Variants in PCDH15 observed in about 807,000 individuals in gnomAD.
The protein encoded by PCDH15 is protocadherin related 15.
Under a neutral mutation model 178.5 loss-of-function variants are expected in PCDH15, and 129 were observed. The observed-to-expected ratio is 0.72, with a 90% CI of 0.63 to 0.84. PCDH15 has a LOEUF of 0.84. Ranked by LOEUF, PCDH15 falls within the 40% of genes least tolerant of loss-of-function variation. The pLI, the probability that PCDH15 is intolerant of heterozygous loss-of-function variation, is 0.00. For synonymous variants in PCDH15, 800 were observed against 732.0 expected (o/e 1.09, Z -1.50); for missense variants, 2,230 against 2,099.9 (o/e 1.06, Z -1.21).
rs1280845632 is a variant in PCDH15, at chr10:53,999,281, A to G, written c.2752-3516T>C. On this transcript the variant is annotated intron_variant, in intron 20 of 37. Transcript: ENST00000644397. ...CCGATACCTACTTTTACGTGGGTGT[A>G]TGGTTGATTGTTTGCCTCTTACCAG... Among the ~76,000 whole-genome samples, 3 of 152,058 alleles carry G rather than the reference A, an allele frequency of 2.0e-5. No individual in the cohort carries two copies. In the South Asian group the frequency reaches 6.2e-4, roughly 32 times the overall value.
At chr10:55,443,797 G>T (rs1004583025) in intron 2 of PCDH15, among the ~76,000 whole-genome samples, 15 of 152,050 alleles carry the variant, frequency 9.9e-5, no homozygotes, top group Non-Finnish European at 1.8e-4. Context: ...TATACCCAAA[G>T]GATTATAAAT....
At chr10:55,081,003 C>A (rs1842027334) in intron 2 of PCDH15, among the ~76,000 whole-genome samples, 1 of 152,134 alleles carries the variant, frequency 6.6e-6, no homozygotes, top group African/African-American at 2.4e-5. Context: ...GGTGGGGTCA[C>A]TTTTCATAGC....
intron 26 of PCDH15, among the ~76,000 whole-genome samples, chr10:53,888,282 C>CTATATATATATATATATA (rs201647527): frequency 0.034 from 3,204 of 94,802 alleles, 136 homozygotes; most frequent in African/African-American, 0.057. Flanking sequence ...CATTCCAACA[C>CTATATATATATATATATA]TATATATACA....
chr10:54,341,687 T>C (rs1200964584), intron 6 of PCDH15, among the ~76,000 whole-genome samples: 4 of 152,192 alleles, frequency 2.6e-5, no homozygotes, highest in Admixed American at 2.0e-4. Flanking sequence ...GTGGGAAAGT[T>C]TGGACCTTCC....
Position 54,664,307 on chromosome 10 carries a change from TAGAA to T in PCDH15, c.-28-21_-28-18del, listed in dbSNP as rs1361526079. 4 of 1,474,130 alleles carry T rather than the reference TAGAA, an allele frequency of 2.7e-6. No individual in the cohort carries two copies. The highest frequency in any genetic ancestry group is 2.3e-5 in the East Asian group (1 of 42,852). The allele number at this position is 1,474,130 out of a possible 1,614,324, so 91.3% of individuals were successfully genotyped here. On this transcript the variant is annotated intron_variant, in intron 1 of 37. Coordinates refer to ENST00000644397, the MANE Select transcript of PCDH15 (RefSeq NM_001384140.1). The stretch of plus-strand genomic sequence containing the variant: ...AAAGCTGATCTGAAATAAGAAAAGG[TAGAA>T]AGAAACATTTGACATGTTCATTAAT...
chr10:54,046,526 A>C (rs2093658181), intron 18 of PCDH15, among the ~76,000 whole-genome samples: 1 of 152,174 alleles, frequency 6.6e-6, no homozygotes, highest in South Asian at 2.1e-4. Context: ...ACTAATGCAC[A>C]CACACTCTAA....
At chr10:55,029,823 G>A (rs574007085) in intron 2 of PCDH15, among the ~76,000 whole-genome samples, 1 of 152,206 alleles carries the variant, frequency 6.6e-6, no homozygotes, top group South Asian at 2.1e-4. Context: ...TACCTAAAGA[G>A]CAACAAAAGT....
At chr10:54,414,318 A>AACATTAATCTACAAAT (rs1953999120) in intron 3 of PCDH15, among the ~76,000 whole-genome samples, 1 of 151,786 alleles carries the variant, frequency 6.6e-6, no homozygotes, top group African/African-American at 2.4e-5. Context: ...AATCTACAAA[A>AACATTAATCTACAAAT]TTAACATAAT....
intron 21 of PCDH15, among the ~76,000 whole-genome samples, chr10:53,973,309 GA>G (rs2089913371): frequency 8.0e-6 from 1 of 125,528 alleles, no homozygotes; most frequent in African/African-American, 3.0e-5. Flanking sequence ...GGGGAGGGGG[GA>G]GGGATAGCAT....
At chr10:54,777,707 T>C (rs764266427) in intron 1 of PCDH15, among the ~76,000 whole-genome samples, 1 of 152,222 alleles carries the variant, frequency 6.6e-6, no homozygotes, top group Non-Finnish European at 1.5e-5. Flanking sequence ...TTCAGAGTTT[T>C]TACTTTTAAA....
chr10:54,971,682 A>T (rs1838936103), intron 2 of PCDH15, among the ~76,000 whole-genome samples: 1 of 152,240 alleles, frequency 6.6e-6, no homozygotes, highest in African/African-American at 2.4e-5. Context: ...TAGAATACAG[A>T]TGTAAACTTC....
intron 9 of PCDH15, among the ~76,000 whole-genome samples, chr10:54,234,130 T>TGTG (rs1591331290): frequency 1.9e-5 from 2 of 103,096 alleles, no homozygotes; most frequent in Admixed American, 1.0e-4. Flanking sequence ...GGATATCCCC[T>TGTG]TCTGTGTGTG....
At chr10:54,682,762 A>G (rs1270490269) in intron 1 of PCDH15, among the ~76,000 whole-genome samples, 3 of 152,176 alleles carry the variant, frequency 2.0e-5, no homozygotes, top group East Asian at 3.8e-4. Context: ...TAGTGATGTC[A>G]GAAGTTCTTA....
intron 3 of PCDH15, among the ~76,000 whole-genome samples, chr10:54,891,986 G>A (rs1954469840): frequency 6.6e-6 from 1 of 152,038 alleles, no homozygotes; most frequent in Non-Finnish European, 1.5e-5. Context: ...AGGAGGCAGA[G>A]GGCATAGTTC....
intron 2 of PCDH15, among the ~76,000 whole-genome samples, chr10:54,940,234 GT>G (rs1390180014): frequency 1.3e-5 from 2 of 151,970 alleles, no homozygotes; most frequent in Non-Finnish European, 2.9e-5. Flanking sequence ...ATTATATTGT[GT>G]TTCCATTTTA....
chr10:54,519,599 G>A (rs1254048357), intron 3 of PCDH15, among the ~76,000 whole-genome samples: 3 of 152,144 alleles, frequency 2.0e-5, no homozygotes, highest in Non-Finnish European at 2.9e-5. Flanking sequence ...CATGCTCATG[G>A]ATAGGAAGAA....
intron 1 of PCDH15, among the ~76,000 whole-genome samples, chr10:54,698,469 G>T (rs985678094): frequency 6.6e-6 from 1 of 152,096 alleles, no homozygotes; most frequent in Non-Finnish European, 1.5e-5. Flanking sequence ...TTGCTGAGCA[G>T]AGAAAAAGCT....
chr10:55,182,634 T>C (rs1839682500), intron 1 of PCDH15, among the ~76,000 whole-genome samples: 1 of 151,962 alleles, frequency 6.6e-6, no homozygotes, highest in Non-Finnish European at 1.5e-5. Context: ...TATCAAACAG[T>C]AAGTAATACA....
chr10:53,939,384 A>G (rs1041560518), intron 24 of PCDH15, among the ~76,000 whole-genome samples: 1 of 152,074 alleles, frequency 6.6e-6, no homozygotes, highest in Non-Finnish European at 1.5e-5. Context: ...TTTGTAATTT[A>G]TGAATATTAT....
Sources: allele counts gnomAD v4.1 joint callset (sites outside exome capture counted in the v4.1 genomes callset), GRCh38; gene constraint gnomAD v4.1.1; transcripts MANE v1.5; gene names NCBI Gene and HGNC (gene_info 2026-07-23, HGNC 2026-07-21).